ANO2: variants seen among roughly 807,000 people sequenced by gnomAD.
ANO2 encodes the protein anoctamin 2.
Under a neutral mutation model 124.2 loss-of-function variants are expected in ANO2, and 101 were observed. That is an observed-to-expected ratio of 0.81 (90% CI 0.69 to 0.96). ANO2 has a LOEUF of 0.96. Among genes scored for constraint, ANO2 ranks in the 40% least tolerant of loss-of-function variants. The pLI is 0.00. For missense variants in ANO2, 1,293 were observed against 1,274.5 expected (o/e 1.01, Z -0.22); for synonymous variants, 486 against 482.5 (o/e 1.01, Z -0.09).
intron 3 of ANO2, among the ~76,000 whole-genome samples, chr12:5,919,175 G>GGT (rs1941550768): frequency 3.3e-5 from 5 of 152,216 alleles, no homozygotes; most frequent in Admixed American, 3.3e-4. Context: ...GACAGAGAGG[G>GGT]ACGGGGTGGG....
intron 7 of ANO2, among the ~76,000 whole-genome samples, chr12:5,826,669 T>C (rs1953965972): frequency 6.6e-6 from 1 of 152,074 alleles, no homozygotes; most frequent in African/African-American, 2.4e-5. Context: ...GCAAACATAA[T>C]TGCCCTGTTG....
chr12:5,581,610 G>A (rs560229709), intron 20 of ANO2, among the ~76,000 whole-genome samples: 51 of 152,182 alleles, frequency 3.4e-4, no homozygotes, highest in African/African-American at 1.0e-3. Context: ...TTCTGTCAAC[G>A]CAAACATCTT....
intron 1 of ANO2, among the ~76,000 whole-genome samples, chr12:5,929,344 A>T (rs1228543664): frequency 9.2e-5 from 7 of 76,418 alleles, no homozygotes; most frequent in Admixed American, 1.3e-4. Context: ...TTCTTTCCTC[A>T]CTCGTCTGCC....
intron 7 of ANO2, among the ~76,000 whole-genome samples, chr12:5,827,542 G>A (rs182685213): frequency 9.2e-4 from 140 of 152,354 alleles, no homozygotes; most frequent in African/African-American, 3.1e-3. Context: ...GACCTGGGAG[G>A]AGGGCCTGGG....
In ANO2 at chr12:5,688,791, C is replaced by T. The variant is rs557520247; in HGVS notation, c.1546-40990G>A. Reference sequence around the variant, plus strand: ...TCCTTCACTTTGTTAAAGACAAAACCCTGACCCATGGGAGTATCCTTTTTT... The same window carrying T: ...TCCTTCACTTTGTTAAAGACAAAACTCTGACCCATGGGAGTATCCTTTTTT... On this transcript the variant is annotated intron_variant, in intron 14 of 24. Transcript: ENST00000682330. 4.6e-5 allele frequency among the ~76,000 whole-genome samples: 7 copies of T among 151,382 alleles called. No homozygotes were observed. The East Asian group carries it at 1.4e-3, about 30-fold the overall frequency.
chr12:5,860,763 C>T (rs57796251), intron 3 of ANO2, among the ~76,000 whole-genome samples: 2,621 of 152,258 alleles, frequency 0.017, 69 homozygotes, highest in African/African-American at 0.056. Context: ...AGATGCTCAC[C>T]ACATTTGCAG....
intron 16 of ANO2, among the ~76,000 whole-genome samples, chr12:5,625,363 G>C (rs1185809169): frequency 7.4e-6 from 1 of 135,878 alleles, no homozygotes; most frequent in Admixed American, 7.1e-5. Flanking sequence ...CTGGATCCTA[G>C]GGGTGAGAGA....
At chr12:5,760,899 T>G (rs1295609775) in intron 10 of ANO2, among the ~76,000 whole-genome samples, 2 of 152,170 alleles carry the variant, frequency 1.3e-5, no homozygotes, top group Non-Finnish European at 2.9e-5. Context: ...TACAGGTTAC[T>G]TGTGTAAAAG....
At chr12:5,733,787 A>C (rs1305534946) in intron 13 of ANO2, among the ~76,000 whole-genome samples, 4 of 152,240 alleles carry the variant, frequency 2.6e-5, no homozygotes, top group Non-Finnish European at 5.9e-5. Flanking sequence ...GACTTCTCCA[A>C]CTGTTGCAAC....
chr12:5,603,352 G>T (rs1332463999), intron 19 of ANO2, among the ~76,000 whole-genome samples: 4 of 152,202 alleles, frequency 2.6e-5, no homozygotes, highest in Non-Finnish European at 5.9e-5. Flanking sequence ...TATAAAGGGA[G>T]AAGTTTAGTG....
At chr12:5,706,039 G>A (rs1209983249) in intron 14 of ANO2, among the ~76,000 whole-genome samples, 1 of 152,266 alleles carries the variant, frequency 6.6e-6, no homozygotes, top group East Asian at 1.9e-4. Flanking sequence ...GGGATGCCAT[G>A]GAAAGAAGGG....
Position 5,928,256 on chromosome 12 carries a change from A to C in ANO2, c.23-5452T>G, listed in dbSNP as rs143663200. On this transcript the variant is annotated intron_variant, in intron 1 of 24. Transcript: ENST00000682330. Reference sequence around the variant, plus strand: ...CTCATTCCTAACTCCTGGTGGCTGAAGTATGAAGGGCCCTGAAATGAGGGG... The same window carrying C: ...CTCATTCCTAACTCCTGGTGGCTGACGTATGAAGGGCCCTGAAATGAGGGG... 4.3e-3 allele frequency among the ~76,000 whole-genome samples: 660 copies of C among 152,216 alleles called. 5 individuals are homozygous for C. Among genetic ancestry groups the C allele is most frequent in the African/African-American group, 0.013 (539 of 41,522 alleles).
chr12:5,582,559 G>A (rs936834500), intron 20 of ANO2, among the ~76,000 whole-genome samples: 1 of 152,210 alleles, frequency 6.6e-6, no homozygotes, highest in African/African-American at 2.4e-5. Context: ...GACTTGCCAG[G>A]ATTGGTGGAG....
At chr12:5,919,936 AT>A (rs1252769471) in intron 3 of ANO2, among the ~76,000 whole-genome samples, 1 of 151,908 alleles carries the variant, frequency 6.6e-6, no homozygotes, top group African/African-American at 2.4e-5. Context: ...TGACCTTGTG[AT>A]CCGCCCGCCT....
chr12:5,576,493 T>C (rs1942420733), intron 22 of ANO2, among the ~76,000 whole-genome samples: 1 of 152,252 alleles, frequency 6.6e-6, no homozygotes, highest in African/African-American at 2.4e-5. Context: ...GTTTGCTTAA[T>C]TTGACCATTA....
intron 1 of ANO2, among the ~76,000 whole-genome samples, chr12:5,940,208 C>A (rs1277644939): frequency 6.6e-6 from 1 of 152,178 alleles, no homozygotes; most frequent in Admixed American, 6.5e-5. Context: ...AAGATGCTTG[C>A]CTTCCCGTTT....
At chr12:5,599,245 C>T (rs1943811377) in intron 20 of ANO2, among the ~76,000 whole-genome samples, 1 of 152,166 alleles carries the variant, frequency 6.6e-6, no homozygotes, top group Non-Finnish European at 1.5e-5. Context: ...GAACATCATC[C>T]TAGAATTATC....
chr12:5,626,697 A>C (rs946541510), intron 16 of ANO2, among the ~76,000 whole-genome samples: 2 of 152,168 alleles, frequency 1.3e-5, no homozygotes, highest in Non-Finnish European at 2.9e-5. Context: ...TGAAGAGACA[A>C]GGAGAGGAAA....
intron 20 of ANO2, among the ~76,000 whole-genome samples, chr12:5,586,223 T>C (rs1269318232): frequency 6.6e-6 from 1 of 152,166 alleles, no homozygotes; most frequent in Non-Finnish European, 1.5e-5. Flanking sequence ...GGGGATGCAG[T>C]CTAGGGCAGA....
Sources: gnomAD v4.1 joint callset for allele counts (sites outside exome capture counted in the v4.1 genomes callset) on GRCh38, gnomAD v4.1.1 for gene constraint, MANE v1.5 for transcripts, NCBI Gene and HGNC (gene_info 2026-07-23, HGNC 2026-07-21) for gene names.